Variants in LYPLAL1 observed in about 807,000 individuals in gnomAD.
The protein encoded by LYPLAL1 is lysophospholipase like 1, also known as lysophospholipase-like protein 1.
In LYPLAL1, 23 loss-of-function variants were observed where a neutral mutation model predicts 19.7. That is an observed-to-expected ratio of 1.17 (90% CI 0.84 to 1.65). LYPLAL1 has a LOEUF of 1.65. Among genes scored for constraint, LYPLAL1 ranks in the 40% most tolerant of loss-of-function variants. The pLI is 0.00. For missense variants in LYPLAL1, 355 were observed against 279.4 expected, an observed-to-expected ratio of 1.27 and a Z score of -1.93; for synonymous variants, 119 against 96.3, an observed-to-expected ratio of 1.24 and a Z score of -1.38.
chr1:219,189,133 C>T (rs1656949359), intron 2 of LYPLAL1, among the ~76,000 whole-genome samples: 1 of 151,518 alleles, frequency 6.6e-6, no homozygotes, highest in Admixed American at 6.6e-5. Flanking sequence ...AAGGCATTGT[C>T]AAAGAAAAAA....
At chr1:219,217,385 T>TGA (rs1162066335), downstream of LYPLAL1, among the ~76,000 whole-genome samples, 1 of 134,302 alleles carries the variant, frequency 7.4e-6, no homozygotes, top group Non-Finnish European at 1.7e-5. Flanking sequence ...GTTTGGTGTG[T>TGA]GTGTGTGTGT....
chr1:219,246,756 T>C, the LYPLAL1 span, among the ~76,000 whole-genome samples: 3 of 152,172 alleles, frequency 2.0e-5, no homozygotes, highest in African/African-American at 7.2e-5. Context: ...CAGCTAATTG[T>C]TGTATTTTTT....
the LYPLAL1 span, among the ~76,000 whole-genome samples, chr1:219,314,021 C>T: frequency 6.6e-6 from 1 of 152,202 alleles, no homozygotes; most frequent in Non-Finnish European, 1.5e-5. Context: ...TTGTTCCCTT[C>T]TTTGTGTCCA....
At chr1:219,293,220 A>C in the LYPLAL1 span, among the ~76,000 whole-genome samples, 1 of 152,126 alleles carries the variant, frequency 6.6e-6, no homozygotes, top group Non-Finnish European at 1.5e-5. Flanking sequence ...TTCTCCACAG[A>C]GTTTTGACAT....
the LYPLAL1 span, among the ~76,000 whole-genome samples, chr1:219,410,421 T>C: frequency 4.0e-3 from 602 of 152,380 alleles, no homozygotes; most frequent in Non-Finnish European, 6.6e-3. Flanking sequence ...GCCTACAGAA[T>C]GTAGTGGCAC....
the LYPLAL1 span, among the ~76,000 whole-genome samples, chr1:219,249,442 G>A: frequency 6.6e-6 from 1 of 151,908 alleles, no homozygotes; most frequent in Non-Finnish European, 1.5e-5. Flanking sequence ...TGCTATTGAT[G>A]TACATTTGAG....
At chr1:219,272,770 A>T in the LYPLAL1 span, 1 of 151,896 alleles carries the variant, frequency 6.6e-6, no homozygotes, top group South Asian at 2.1e-4. Flanking sequence ...ACGGAGCAAG[A>T]CTCTTAAAAA....
chr1:219,301,730 C>G, the LYPLAL1 span, among the ~76,000 whole-genome samples: 1 of 151,684 alleles, frequency 6.6e-6, no homozygotes, highest in Admixed American at 6.6e-5. Context: ...TTTTACAACT[C>G]TGAAAAGCTC....
At chr1:219,280,922 G>A in the LYPLAL1 span, among the ~76,000 whole-genome samples, 2 of 152,104 alleles carry the variant, frequency 1.3e-5, no homozygotes, top group Admixed American at 6.5e-5. Flanking sequence ...GGCGGCGGGC[G>A]CCTGTAATGC....
chr1:219,261,055 A>G, the LYPLAL1 span, among the ~76,000 whole-genome samples: 3 of 152,170 alleles, frequency 2.0e-5, no homozygotes, highest in Non-Finnish European at 2.9e-5. Flanking sequence ...ATAATACTTT[A>G]TATCAGATCC....
At chr1:219,429,598 G>T in the LYPLAL1 span, among the ~76,000 whole-genome samples, 5 of 152,112 alleles carry the variant, frequency 3.3e-5, no homozygotes, top group African/African-American at 1.2e-4. Context: ...TTGAGGATGT[G>T]GTGAGCTATG....
chr1:219,294,616 C>G, the LYPLAL1 span, among the ~76,000 whole-genome samples: 1 of 152,214 alleles, frequency 6.6e-6, no homozygotes, highest in African/African-American at 2.4e-5. Context: ...TCAAAATCTA[C>G]TCTTCCTTCA....
At chr1:219,342,112 G>T in the LYPLAL1 span, among the ~76,000 whole-genome samples, 5 of 151,900 alleles carry the variant, frequency 3.3e-5, no homozygotes, top group Non-Finnish European at 7.4e-5. Flanking sequence ...ACTAAATCTT[G>T]GTCATCCCTT....
chr1:219,413,703 A>G, the LYPLAL1 span, among the ~76,000 whole-genome samples: 1 of 152,188 alleles, frequency 6.6e-6, no homozygotes, highest in Admixed American at 6.5e-5. Flanking sequence ...AAAAATAAAA[A>G]CCACTTATAT....
chr1:219,420,943 T>C, the LYPLAL1 span, among the ~76,000 whole-genome samples: 1 of 152,236 alleles, frequency 6.6e-6, no homozygotes, highest in Non-Finnish European at 1.5e-5. Context: ...TCTTACATCT[T>C]AGTTCTTTTA....
At chr1:219,228,459 A>ATATATATATATATATATAT in the LYPLAL1 span, among the ~76,000 whole-genome samples, 1 of 152,016 alleles carries the variant, frequency 6.6e-6, no homozygotes, top group Non-Finnish European at 1.5e-5. Flanking sequence ...TCCAATATAG[A>ATATATATATATATATATAT]AAACGTTCCC....
the LYPLAL1 span, among the ~76,000 whole-genome samples, chr1:219,403,156 C>A: frequency 2.0e-5 from 3 of 152,196 alleles, no homozygotes; most frequent in Non-Finnish European, 4.4e-5. Flanking sequence ...GTGACTCATG[C>A]AATTATTTTC....
the LYPLAL1 span, among the ~76,000 whole-genome samples, chr1:219,267,088 T>G: frequency 1.3e-5 from 2 of 152,138 alleles, no homozygotes; most frequent in African/African-American, 2.4e-5. Flanking sequence ...CTTCAGCTTT[T>G]GTATGGTAGA....
chr1:219,397,855 C>T, the LYPLAL1 span, among the ~76,000 whole-genome samples: 1 of 152,062 alleles, frequency 6.6e-6, no homozygotes, highest in Non-Finnish European at 1.5e-5. Context: ...GTTTTTTCTT[C>T]TTTAAAAATG....
Sources: gnomAD v4.1 joint callset for allele counts (sites outside exome capture counted in the v4.1 genomes callset) on GRCh38, gnomAD v4.1.1 for gene constraint, MANE v1.5 for transcripts, NCBI Gene and HGNC (gene_info 2026-07-23, HGNC 2026-07-21) for gene names.